The following ADRA1B variants were observed in gnomAD, a reference collection of about 807,000 sequenced individuals.
The protein encoded by ADRA1B is alpha-1B adrenergic receptor.
Under a neutral mutation model 17.9 loss-of-function variants are expected in ADRA1B, and 17 were observed. The observed-to-expected ratio is 0.95, with a 90% CI of 0.65 to 1.42. The LOEUF (loss-of-function observed/expected upper bound fraction) is 1.42. Among genes scored for constraint, ADRA1B ranks in the 40% most tolerant of loss-of-function variants. The pLI is 0.00. For synonymous variants in ADRA1B, 366 were observed against 327.6 expected, an observed-to-expected ratio of 1.12 and a Z score of -1.27; for missense variants, 681 against 722.1, an observed-to-expected ratio of 0.94 and a Z score of 0.65.
chr5:159,889,690 G>A (rs530393884), intron 1 of ADRA1B, among the ~76,000 whole-genome samples: 1 of 152,278 alleles, frequency 6.6e-6, no homozygotes, highest in South Asian at 2.1e-4. Context: ...GGTTCCAACG[G>A]CTGTGGCATC....
At chr5:159,884,632 T>G (rs545176992) in intron 1 of ADRA1B, among the ~76,000 whole-genome samples, 1 of 152,230 alleles carries the variant, frequency 6.6e-6, no homozygotes, top group Non-Finnish European at 1.5e-5. Flanking sequence ...CAAAACAGAC[T>G]AAGACAGGTT....
At chr5:159,902,143 C>T (rs1192081336) in intron 1 of ADRA1B, among the ~76,000 whole-genome samples, 1 of 152,078 alleles carries the variant, frequency 6.6e-6, no homozygotes, top group Non-Finnish European at 1.5e-5. Flanking sequence ...TATATACACA[C>T]AATGGAATAT....
downstream of ADRA1B, among the ~76,000 whole-genome samples, chr5:159,977,224 A>G (rs1755985782): frequency 1.3e-5 from 2 of 152,328 alleles, no homozygotes; most frequent in South Asian, 2.1e-4. Context: ...TAAACTTTTC[A>G]ACAAATATGG....
At chr5:159,922,747 C>T (rs150816296) in intron 1 of ADRA1B, among the ~76,000 whole-genome samples, 1 of 152,336 alleles carries the variant, frequency 6.6e-6, no homozygotes, top group Non-Finnish European at 1.5e-5. Flanking sequence ...ATCATTCATC[C>T]ATTCACTGAA....
chr5:159,963,698 T>A (rs540418938), intron 1 of ADRA1B, among the ~76,000 whole-genome samples: 1 of 152,210 alleles, frequency 6.6e-6, no homozygotes, highest in Admixed American at 6.5e-5. Flanking sequence ...TCTACAGACA[T>A]GCCCTGAGGT....
intron 1 of ADRA1B, among the ~76,000 whole-genome samples, chr5:159,971,671 T>C (rs1331714610): frequency 1.3e-5 from 2 of 152,188 alleles, no homozygotes; most frequent in East Asian, 1.9e-4. Flanking sequence ...GGCGAAGTTA[T>C]TGAGGCTGGC....
chr5:159,903,751 C>T (rs1288174849), intron 1 of ADRA1B, among the ~76,000 whole-genome samples: 1 of 152,204 alleles, frequency 6.6e-6, no homozygotes, highest in Non-Finnish European at 1.5e-5. Flanking sequence ...CCAAACCTCA[C>T]ATCCCCTCAT....
rs531603185 is a variant in ADRA1B at position 159,917,319 on chromosome 5, C to T, written c.414C>T (p.Ala138=). 2.1e-5 allele frequency: 34 copies of T among 1,614,068 alleles called. No homozygotes were observed. In the South Asian group the frequency reaches 3.6e-4, roughly 17 times the overall value. The change falls in exon 1 of 2, where the codon GCC becomes GCT. Residue 138 remains alanine (A), a synonymous_variant. Coordinates refer to ENST00000306675, the MANE Select transcript of ADRA1B (RefSeq NM_000679.4). ...CCTASILSLC[A]ISIDRYIGVR... is the part of the protein sequence containing the mutation. ...CAGCGTCCATTCTGAGCCTGTGCGC[C>T]ATCTCCATCGATCGCTACATCGGGG...
At position 159,871,642 on chromosome 5, in the gene ADRA1B, T is replaced by C. The variant is rs117753909; in HGVS notation, c.-256+6436T>C. 3.3e-5 allele frequency among the ~76,000 whole-genome samples: 5 copies of C among 152,254 alleles called. No homozygotes were observed. The East Asian group carries it at 9.6e-4, about 29-fold the overall frequency. On this transcript the variant is annotated intron_variant, in intron 1 of 2. Transcript: ENST00000641205. ...AATCTAGAATCATCTCATCTCAAGA[T>C]TCTTAACATCTTCAAAAGCCCCATT...
chr5:159,899,497 G>A (rs1754078971), intron 1 of ADRA1B, among the ~76,000 whole-genome samples: 1 of 152,180 alleles, frequency 6.6e-6, no homozygotes, highest in Non-Finnish European at 1.5e-5. Flanking sequence ...CATGTCATAA[G>A]TATTTATCAT....
At position 159,917,351 on chromosome 5, in the gene ADRA1B, A is replaced by G. The variant is rs1419494240; in HGVS notation, c.446A>G (p.Tyr149Cys). The change falls in exon 1 of 2, where the codon TAC (tyrosine) becomes TGC (cysteine). Residue 149 changes from tyrosine (Y) to cysteine (C), a missense_variant. Around this residue, in one of 3 missense-constraint regions of ADRA1B, gnomAD observed 424 missense variants for 480.2 expected, o/e 0.88. Transcript: ENST00000306675. ...ISIDRYIGVR[Y>C]SLQYPTLVTR... ...ATCGATCGCTACATCGGGGTGCGCT[A>G]CTCTCTGCAGTATCCCACGCTGGTC... 2.5e-6 allele frequency: 4 copies of G among 1,613,434 alleles called. No homozygotes were observed. The highest frequency in any genetic ancestry group is 4.5e-5 in the East Asian group (2 of 44,846).
At chr5:159,951,763 G>A (rs1418512784) in intron 1 of ADRA1B, among the ~76,000 whole-genome samples, 1 of 152,162 alleles carries the variant, frequency 6.6e-6, no homozygotes, top group Non-Finnish European at 1.5e-5. Flanking sequence ...GAGTGGTGAG[G>A]GGAACAAGGG....
intron 1 of ADRA1B, among the ~76,000 whole-genome samples, chr5:159,904,304 C>T (rs1047620557): frequency 8.5e-5 from 13 of 152,206 alleles, no homozygotes; most frequent in Non-Finnish European, 1.8e-4. Flanking sequence ...GAAAGGGCTA[C>T]ACAACTTCTA....
At position 159,916,714 on chromosome 5, in the gene ADRA1B, C is replaced by T; in HGVS notation, c.-192C>T. On this transcript the variant is annotated 5_prime_UTR_variant, in exon 1 of 2. Coordinates refer to ENST00000306675, the MANE Select transcript of ADRA1B (RefSeq NM_000679.4). ...TCCTCCTCCTCCTCCCTCTGACAGG[C>T]GAGCGAGCGACTCGGTGCAGGCAGG... 2 of 578,850 alleles carry T rather than the reference C, an allele frequency of 3.5e-6. No individual in the cohort carries two copies. The allele number at this position is 578,850 out of a possible 1,614,324, so 35.9% of individuals were successfully genotyped here. A position where few individuals can be genotyped will look rare whatever the true frequency, so the allele number is the denominator to read the frequency against.
At chr5:159,903,910 G>A (rs1486179549) in intron 1 of ADRA1B, among the ~76,000 whole-genome samples, 1 of 152,138 alleles carries the variant, frequency 6.6e-6, no homozygotes, top group African/African-American at 2.4e-5. Flanking sequence ...GAGGCTAAAA[G>A]TAGGCTGGGG....
chr5:159,928,696 T>G (rs761409554), intron 1 of ADRA1B, among the ~76,000 whole-genome samples: 1 of 152,168 alleles, frequency 6.6e-6, no homozygotes, highest in East Asian at 1.9e-4. Flanking sequence ...CTAATGTGCA[T>G]TGCTTAGAGG....
intron 1 of ADRA1B, among the ~76,000 whole-genome samples, chr5:159,891,905 A>G (rs910448837): frequency 2.6e-5 from 4 of 152,316 alleles, no homozygotes; most frequent in Admixed American, 1.3e-4. Flanking sequence ...TGAGTTATCA[A>G]TGCTGAAATT....
At chr5:159,976,270 C>CA (rs2113305441), downstream of ADRA1B, among the ~76,000 whole-genome samples, 1 of 152,186 alleles carries the variant, frequency 6.6e-6, no homozygotes, top group South Asian at 2.1e-4. Context: ...GTTATAGAGA[C>CA]AAAACAATTC....
chr5:159,972,040 GGCCGCCGCCGAC>G lies in ADRA1B; in HGVS notation c.1122_1133del (p.Arg377_Arg380del). 8 of 1,378,302 alleles carry G rather than the reference GGCCGCCGCCGAC, an allele frequency of 5.8e-6. No individual in the cohort carries two copies. Among genetic ancestry groups the G allele is most frequent in the East Asian group, 2.9e-5 (1 of 33,922 alleles). 85.4% of individuals were successfully genotyped at this position (1,378,302 alleles called of 1,614,324 possible). A position where few individuals can be genotyped will look rare whatever the true frequency, so the allele number is the denominator to read the frequency against. On this transcript the variant is annotated inframe_deletion, in exon 2 of 2. Transcript: ENST00000306675. ...CCTCGGGTGCCAGTGCCGCGGCCGCGGCCGCCGCCGACGCCGCCGCCGCCGTCGCCTGGGCGG... is the reference window on the plus strand; with the variant it reads ...CCTCGGGTGCCAGTGCCGCGGCCGCGGCCGCCGCCGCCGTCGCCTGGGCGG...
Sources: allele counts gnomAD v4.1 joint callset (sites outside exome capture counted in the v4.1 genomes callset), GRCh38; gene constraint gnomAD v4.1.1; regional missense constraint gnomAD v4.1.1; transcripts MANE v1.5; gene names NCBI Gene and HGNC (gene_info 2026-07-23, HGNC 2026-07-21).